The following E2F3 variants were observed in gnomAD, a reference collection of about 807,000 sequenced individuals.
The protein encoded by E2F3 is E2F transcription factor 3.
In E2F3, 11 loss-of-function variants were observed where a neutral mutation model predicts 44.4. The observed-to-expected ratio is 0.25, with a 90% CI of 0.16 to 0.41. The LOEUF (loss-of-function observed/expected upper bound fraction) is 0.41. E2F3 is among the 10% of genes least tolerant of loss of function. The pLI is 1.00. For synonymous variants in E2F3, 249 were observed against 253.0 expected, an observed-to-expected ratio of 0.98 and a Z score of 0.15; for missense variants, 487 against 583.6, an observed-to-expected ratio of 0.83 and a Z score of 1.70.
At position 20,490,501 on chromosome 6, in the gene E2F3, G is replaced by A; in HGVS notation, c.*71G>A. On this transcript the variant is annotated 3_prime_UTR_variant, in exon 7 of 7. Coordinates refer to ENST00000346618, the MANE Select transcript of E2F3 (RefSeq NM_001949.5). This position sits in a 1 kb window ranked among gnomAD's most constrained non-coding sequence, Gnocchi z 4.3. The stretch of plus-strand genomic sequence containing the variant: ...ATGGAACCAGAACATCTGTCATGCA[G>A]TGTTGTCCCTTCCTACCTTCTTCCT... 1 of 1,441,118 alleles carries A rather than the reference G, an allele frequency of 6.9e-7. No individual in the cohort carries two copies. Among genetic ancestry groups the A allele is most frequent in the Non-Finnish European group, 9.3e-7 (1 of 1,078,472 alleles). The allele number at this position is 1,441,118 out of a possible 1,614,324, so 89.3% of individuals were successfully genotyped here.
intron 1 of E2F3, among the ~76,000 whole-genome samples, chr6:20,403,484 C>T (rs1759380517): frequency 6.6e-6 from 1 of 151,944 alleles, no homozygotes; most frequent in Non-Finnish European, 1.5e-5. Context: ...GTTCCCGTCC[C>T]GCCGCCTGGG....
intron 1 of E2F3, among the ~76,000 whole-genome samples, chr6:20,447,664 T>G (rs894945471): frequency 1.3e-5 from 2 of 151,836 alleles, no homozygotes; most frequent in African/African-American, 4.8e-5. Context: ...AAATCAGGAG[T>G]CAAAAATCTA....
rs974920929 is a variant in E2F3, at chr6:20,402,134, GAGA to G, written c.-96_-94del. Reference sequence around the variant, plus strand: ...GCTCGGAAGCGCCGGGCGGGGAGGAGAGAAGGAGGAGAGACTTGGAAACTCCGA... The same window carrying G: ...GCTCGGAAGCGCCGGGCGGGGAGGAGAGGAGGAGAGACTTGGAAACTCCGA... On this transcript the variant is annotated 5_prime_UTR_variant, in exon 1 of 7. Transcript: ENST00000346618. The surrounding 1 kb of genome is among the most constrained non-coding windows in gnomAD (Gnocchi z 5.6). 3.1e-5 allele frequency: 45 copies of G among 1,441,834 alleles called. No individual in the cohort carries two copies. The highest frequency in any genetic ancestry group is 6.2e-5 in the Admixed American group (2 of 32,004). The allele number at this position is 1,441,834 out of a possible 1,614,324, so 89.3% of individuals were successfully genotyped here.
At chr6:20,483,246 A>G (rs1762289820) in intron 4 of E2F3, among the ~76,000 whole-genome samples, 2 of 152,016 alleles carry the variant, frequency 1.3e-5, no homozygotes. Flanking sequence ...CCACACTATT[A>G]AAAGATACAT....
At chr6:20,485,024 T>C (rs887492247) in intron 4 of E2F3, among the ~76,000 whole-genome samples, 2 of 152,116 alleles carry the variant, frequency 1.3e-5, no homozygotes, top group South Asian at 2.1e-4. Context: ...GCCCCCCCTT[T>C]TTTTTATATT....
At chr6:20,480,057 C>T in intron 2 of E2F3, 100 bp downstream of exon 2, 1 of 1,465,498 alleles carries the variant, frequency 6.8e-7, no homozygotes, top group Non-Finnish European at 9.0e-7. Context: ...ATAATTCTGG[C>T]ATGTTTTGTT....
At chr6:20,426,257 T>C (rs1760210942) in intron 1 of E2F3, among the ~76,000 whole-genome samples, 1 of 152,246 alleles carries the variant, frequency 6.6e-6, no homozygotes, top group Admixed American at 6.5e-5. Context: ...TCTTCAACAA[T>C]TACTGGTGTA....
rs184199629 is a variant in E2F3 at position 20,460,313 on chromosome 6, C to T, written c.394-19533C>T. Among the ~76,000 whole-genome samples the T allele has an allele frequency of 1.3e-3, 196 of 152,256 alleles. 2 individuals are homozygous for T. Among genetic ancestry groups the T allele is most frequent in the African/African-American group, 4.5e-3 (189 of 41,546 alleles). ...ATCAGAAGTATATAGGATGTATTAG[C>T]GTCTTCAGCCCTTCCCCTTCTCCTC... On this transcript the variant is annotated intron_variant, in intron 1 of 6. Transcript: ENST00000346618.
chr6:20,438,954 C>T (rs771511307), intron 1 of E2F3, among the ~76,000 whole-genome samples: 1 of 152,144 alleles, frequency 6.6e-6, no homozygotes, highest in African/African-American at 2.4e-5. Context: ...GTTGCTGATT[C>T]AGAGATTCCC....
chr6:20,402,756 C>T lies in E2F3; in HGVS notation c.393+131C>T, dbSNP rs2127581554. ...GCATCGTGGGCCTCGGGGGCTGCCCCTCCAACGAGGGTTCATTGTTAGACC... is the reference window on the plus strand; with the variant it reads ...GCATCGTGGGCCTCGGGGGCTGCCCTTCCAACGAGGGTTCATTGTTAGACC... On this transcript the variant is annotated intron_variant, in intron 1 of 6. Coordinates refer to ENST00000346618, the MANE Select transcript of E2F3 (RefSeq NM_001949.5). This position sits in a 1 kb window ranked among gnomAD's most constrained non-coding sequence, Gnocchi z 5.6. 8.0e-7 allele frequency: 1 copy of T among 1,245,654 alleles called. No homozygotes were observed. The highest frequency in any genetic ancestry group is 1.0e-6 in the Non-Finnish European group (1 of 995,916). The allele number at this position is 1,245,654 out of a possible 1,614,324, so 77.2% of individuals were successfully genotyped here.
chr6:20,424,210 G>GTGTGT (rs1554135917), intron 1 of E2F3, among the ~76,000 whole-genome samples: 1 of 136,920 alleles, frequency 7.3e-6, no homozygotes, highest in Non-Finnish European at 1.5e-5. Flanking sequence ...TCAGTGGAAG[G>GTGTGT]GTGTGTGTGT....
intron 1 of E2F3, among the ~76,000 whole-genome samples, chr6:20,428,507 G>A (rs558406521): frequency 6.6e-6 from 1 of 152,306 alleles, no homozygotes; most frequent in South Asian, 2.1e-4. Flanking sequence ...ACAGACGTGA[G>A]CCACCACGCC....
At chr6:20,408,714 C>T (rs1286628049) in intron 1 of E2F3, among the ~76,000 whole-genome samples, 1 of 152,066 alleles carries the variant, frequency 6.6e-6, no homozygotes, top group Non-Finnish European at 1.5e-5. Flanking sequence ...GGGTTTATGT[C>T]AGCTCGAGGT....
intron 1 of E2F3, among the ~76,000 whole-genome samples, chr6:20,460,251 ATGAAT>A (rs1393577745): frequency 2.0e-5 from 3 of 152,208 alleles, no homozygotes; most frequent in Non-Finnish European, 4.4e-5. Flanking sequence ...AATTTTACAA[ATGAAT>A]TACACAGATT....
intron 1 of E2F3, among the ~76,000 whole-genome samples, chr6:20,478,952 T>G (rs2127619571): frequency 6.6e-6 from 1 of 152,336 alleles, no homozygotes; most frequent in Middle Eastern, 3.4e-3. Flanking sequence ...ACTTAACAAC[T>G]GCTTAACCAT....
At chr6:20,434,218 A>G (rs571062774) in intron 1 of E2F3, among the ~76,000 whole-genome samples, 1 of 152,356 alleles carries the variant, frequency 6.6e-6, no homozygotes, top group East Asian at 1.9e-4. Flanking sequence ...GCAAGAATTT[A>G]TTAAAGGAAG....
At chr6:20,430,724 T>G (rs1272211824) in intron 1 of E2F3, among the ~76,000 whole-genome samples, 1 of 152,202 alleles carries the variant, frequency 6.6e-6, no homozygotes, top group East Asian at 1.9e-4. Context: ...AGGATTCACT[T>G]CAGAGTTGAG....
chr6:20,488,434 C>T (rs1394807450), intron 6 of E2F3, among the ~76,000 whole-genome samples, 186 bp downstream of exon 6: 1 of 152,196 alleles, frequency 6.6e-6, no homozygotes. Flanking sequence ...GGCTCCTTCA[C>T]CCACTTATGG....
chr6:20,417,655 C>T (rs1242294283), intron 1 of E2F3, among the ~76,000 whole-genome samples: 1 of 151,102 alleles, frequency 6.6e-6, no homozygotes, highest in African/African-American at 2.4e-5. Context: ...AGCCCAAAGC[C>T]TGGATATGCT....
Sources: allele counts gnomAD v4.1 joint callset (sites outside exome capture counted in the v4.1 genomes callset), GRCh38; gene constraint gnomAD v4.1.1; non-coding constraint Gnocchi (gnomAD v3.1); transcripts MANE v1.5; gene names NCBI Gene and HGNC (gene_info 2026-07-23, HGNC 2026-07-21).